GPC5: variants seen among roughly 807,000 people sequenced by gnomAD.
The protein encoded by GPC5 is glypican 5.
GPC5 carries 47 observed loss-of-function variants against 53.9 expected under a neutral mutation model. That is an observed-to-expected ratio of 0.87 (90% confidence interval 0.69 to 1.11). GPC5 has a LOEUF of 1.11. GPC5 is among the 50% of genes most tolerant of loss of function. GPC5 has a pLI of 0.00. For missense variants in GPC5, 748 were observed against 713.1 expected, an observed-to-expected ratio of 1.05 and a Z score of -0.56; for synonymous variants, 286 against 263.3, an observed-to-expected ratio of 1.09 and a Z score of -0.84.
intron 7 of GPC5, among the ~76,000 whole-genome samples, chr13:92,565,929 T>A (rs1046416274): frequency 1.6e-4 from 25 of 152,184 alleles, no homozygotes; most frequent in Non-Finnish European, 3.2e-4. Flanking sequence ...TGACGTGAAC[T>A]TTTTAGTGAT....
chr13:92,236,683 G>A (rs986286371), intron 7 of GPC5, among the ~76,000 whole-genome samples: 1 of 152,044 alleles, frequency 6.6e-6, no homozygotes, highest in Non-Finnish European at 1.5e-5. Flanking sequence ...ATATTAATAA[G>A]TTTCAATTCA....
At chr13:92,306,519 C>T (rs918054804) in intron 7 of GPC5, among the ~76,000 whole-genome samples, 1 of 152,178 alleles carries the variant, frequency 6.6e-6, no homozygotes, top group Non-Finnish European at 1.5e-5. Context: ...AGACTCTTAC[C>T]CTAGCCAGAT....
chr13:92,417,236 C>T (rs1422806798), intron 7 of GPC5, among the ~76,000 whole-genome samples: 2 of 152,090 alleles, frequency 1.3e-5, no homozygotes, highest in South Asian at 2.1e-4. Flanking sequence ...CTCAGATGAC[C>T]AATAAACACA....
chr13:92,600,907 G>C (rs1367985952), intron 7 of GPC5, among the ~76,000 whole-genome samples: 1 of 151,990 alleles, frequency 6.6e-6, no homozygotes, highest in Non-Finnish European at 1.5e-5. Flanking sequence ...CCTTGGCCCT[G>C]AACTCCTCTA....
At chr13:91,937,926 A>G (rs1479447947) in intron 6 of GPC5, among the ~76,000 whole-genome samples, 1 of 151,998 alleles carries the variant, frequency 6.6e-6, no homozygotes, top group East Asian at 1.9e-4. Context: ...TTATATTGGT[A>G]ACACATCTGA....
chr13:91,705,860 T>C (rs1416949592), intron 3 of GPC5, among the ~76,000 whole-genome samples: 1 of 150,886 alleles, frequency 6.6e-6, no homozygotes, highest in Non-Finnish European at 1.5e-5. Flanking sequence ...CATGTAACTT[T>C]TTTCTTTTTT....
At position 92,130,972 on chromosome 13, in the gene GPC5, GAATT is replaced by G. The variant is rs536559426; in HGVS notation, c.1402-13854_1402-13851del. Reference sequence around the variant, plus strand: ...AAACAGAAACAGAAGATTAAATCCAGAATTAATAAAGAACTCTTAAAAATCAATT... The same window carrying G: ...AAACAGAAACAGAAGATTAAATCCAGAATAAAGAACTCTTAAAAATCAATT... On this transcript the variant is annotated intron_variant, in intron 6 of 7. Coordinates refer to ENST00000377067, the MANE Select transcript of GPC5 (RefSeq NM_004466.6). 6.8e-4 allele frequency among the ~76,000 whole-genome samples: 104 copies of G among 151,832 alleles called. 1 individual carries two copies. Among genetic ancestry groups the G allele is most frequent in the African/African-American group, 2.4e-3 (99 of 41,480 alleles).
intron 2 of GPC5, among the ~76,000 whole-genome samples, chr13:91,625,216 T>C (rs1292550429): frequency 7.0e-6 from 1 of 143,114 alleles, no homozygotes; most frequent in South Asian, 2.2e-4. Flanking sequence ...ACATGCAACA[T>C]AAAAAAAAAA....
At chr13:91,977,925 A>T (rs1445378888) in intron 6 of GPC5, among the ~76,000 whole-genome samples, 2 of 150,132 alleles carry the variant, frequency 1.3e-5, no homozygotes, top group Non-Finnish European at 2.9e-5. Flanking sequence ...CAGCCTTGGA[A>T]ACATAACGAG....
rs1159091284 is a variant in GPC5 at position 92,386,014 on chromosome 13, T to C, written c.1561+241025T>C. The stretch of plus-strand genomic sequence containing the variant: ...ATGTAATGAAGCATAGAATATCCAT[T>C]GATGGTAACTACCTTTGCCTACTTC... On this transcript the variant is annotated intron_variant, in intron 7 of 7. Transcript: ENST00000377067. 4.0e-5 allele frequency among the ~76,000 whole-genome samples: 6 copies of C among 151,800 alleles called. No individual in the cohort carries two copies. The South Asian group carries it at 1.2e-3, about 31-fold the overall frequency.
intron 7 of GPC5, among the ~76,000 whole-genome samples, chr13:92,431,257 A>G (rs1877070273): frequency 6.6e-6 from 1 of 152,202 alleles, no homozygotes. Context: ...TCATTCAAAT[A>G]GTTGAACACA....
intron 7 of GPC5, among the ~76,000 whole-genome samples, chr13:92,849,734 T>C (rs778664114): frequency 2.0e-5 from 3 of 152,298 alleles, no homozygotes; most frequent in East Asian, 1.9e-4. Flanking sequence ...AAAGAAAATA[T>C]TTAAAGGGCC....
rs561326346 is a variant in GPC5, at chr13:92,636,154, T to G, written c.1562-230128T>G. On this transcript the variant is annotated intron_variant, in intron 7 of 7. Coordinates refer to ENST00000377067, the MANE Select transcript of GPC5 (RefSeq NM_004466.6). The stretch of plus-strand genomic sequence containing the variant: ...ATGATCTCCAATCAGTATTCTTAGT[T>G]TGTGGTATTGTAGAAATATATTTTT... Among the ~76,000 whole-genome samples, 4 of 152,348 alleles carry G rather than the reference T, an allele frequency of 2.6e-5. No homozygotes were observed. In the South Asian group the frequency reaches 6.2e-4, roughly 24 times the overall value.
intron 7 of GPC5, among the ~76,000 whole-genome samples, chr13:92,491,951 A>C (rs1477966867): frequency 6.6e-6 from 1 of 152,148 alleles, no homozygotes; most frequent in Admixed American, 6.6e-5. Flanking sequence ...TAATTGCAGA[A>C]TCATTCTTTC....
At position 92,299,247 on chromosome 13, in the gene GPC5, A is replaced by G. The variant is rs185355579; in HGVS notation, c.1561+154258A>G. Among the ~76,000 whole-genome samples, 123 of 152,308 alleles carry G rather than the reference A, an allele frequency of 8.1e-4. 2 individuals are homozygous for G. The highest frequency in any genetic ancestry group is 1.3e-4 in the Non-Finnish European group (9 of 68,014). The stretch of plus-strand genomic sequence containing the variant: ...TATGGATATTGATTTTTAAAGACAT[A>G]GTTCAGAAATTCGAAGCAAACTTCC... On this transcript the variant is annotated intron_variant, in intron 7 of 7. Transcript: ENST00000377067.
At chr13:92,728,934 G>A (rs1483958384) in intron 7 of GPC5, among the ~76,000 whole-genome samples, 2 of 151,192 alleles carry the variant, frequency 1.3e-5, no homozygotes, top group Non-Finnish European at 3.0e-5. Flanking sequence ...CAGTACTAGG[G>A]CAAAGAGTCG....
At chr13:92,861,260 G>A (rs1036858103) in intron 7 of GPC5, among the ~76,000 whole-genome samples, 2 of 152,062 alleles carry the variant, frequency 1.3e-5, no homozygotes, top group African/African-American at 4.8e-5. Context: ...GAATAAATAT[G>A]TGCACATACT....
At chr13:91,567,895 T>G (rs2031607298) in intron 2 of GPC5, among the ~76,000 whole-genome samples, 1 of 152,180 alleles carries the variant, frequency 6.6e-6, no homozygotes, top group Admixed American at 6.6e-5. Flanking sequence ...GGAACAGACC[T>G]GTAATCCCCA....
chr13:91,518,666 C>A (rs1161222370), intron 2 of GPC5, among the ~76,000 whole-genome samples: 1 of 152,176 alleles, frequency 6.6e-6, no homozygotes, highest in Admixed American at 6.5e-5. Flanking sequence ...CATTCTCCTG[C>A]CTCAGCCTCC....
Sources: gnomAD v4.1 joint callset for allele counts (sites outside exome capture counted in the v4.1 genomes callset) on GRCh38, gnomAD v4.1.1 for gene constraint, MANE v1.5 for transcripts, NCBI Gene and HGNC (gene_info 2026-07-23, HGNC 2026-07-21) for gene names.